The following ATOSA variants were observed in gnomAD, a reference collection of about 807,000 sequenced individuals.
ATOSA encodes atos homolog protein A.
the ATOSA span, among the ~76,000 whole-genome samples, chr15:52,673,572 T>G: frequency 6.6e-6 from 1 of 152,368 alleles, no homozygotes; most frequent in East Asian, 1.9e-4. Context: ...AGACAGTGCC[T>G]GGCACATAGT....
chr15:52,640,258 T>C, the ATOSA span, among the ~76,000 whole-genome samples: 2 of 152,100 alleles, frequency 1.3e-5, no homozygotes, highest in Non-Finnish European at 2.9e-5. Flanking sequence ...TATTACTCTT[T>C]TATCTTTTAC....
the ATOSA span, among the ~76,000 whole-genome samples, chr15:52,604,410 A>G: frequency 1.3e-5 from 2 of 152,258 alleles, no homozygotes; most frequent in Non-Finnish European, 2.9e-5. Context: ...GAGATACTGT[A>G]TTCTTTTAGT....
At chr15:52,647,809 T>C in the ATOSA span, among the ~76,000 whole-genome samples, 2 of 152,174 alleles carry the variant, frequency 1.3e-5, no homozygotes, top group Non-Finnish European at 2.9e-5. Context: ...ATCAAAACAC[T>C]ACAAACAGAA....
the ATOSA span, among the ~76,000 whole-genome samples, chr15:52,633,410 A>C: frequency 1.3e-5 from 2 of 152,202 alleles, no homozygotes; most frequent in African/African-American, 4.8e-5. Context: ...CCAGGTGGGG[A>C]AATAAACAGG....
chr15:52,708,544 T>C, the ATOSA span, among the ~76,000 whole-genome samples: 1 of 152,200 alleles, frequency 6.6e-6, no homozygotes, highest in African/African-American at 2.4e-5. Flanking sequence ...CTCTATTGCC[T>C]TGTTTTTCAA....
At chr15:52,618,698 T>C in the ATOSA span, among the ~76,000 whole-genome samples, 4 of 152,212 alleles carry the variant, frequency 2.6e-5, no homozygotes, top group Non-Finnish European at 4.4e-5. Flanking sequence ...TCTTCTTCTT[T>C]TTTAGAGACA....
chr15:52,601,232 AAC>A, the ATOSA span: 1 of 949,136 alleles, frequency 1.1e-6, no homozygotes, highest in South Asian at 1.6e-5. Context: ...GAATTGATAA[AAC>A]ACTTTTTAAA....
the ATOSA span, chr15:52,609,153 C>G: frequency 6.2e-7 from 1 of 1,613,400 alleles, no homozygotes; most frequent in Non-Finnish European, 8.5e-7. Context: ...TAGGATTGTT[C>G]TGACACTGAT....
the ATOSA span, among the ~76,000 whole-genome samples, chr15:52,636,526 T>G: frequency 6.6e-6 from 1 of 152,200 alleles, no homozygotes; most frequent in African/African-American, 2.4e-5. Flanking sequence ...TATATTATCT[T>G]AAAAGATGAA....
chr15:52,594,814 G>A, the ATOSA span, among the ~76,000 whole-genome samples: 1 of 152,120 alleles, frequency 6.6e-6, no homozygotes, highest in African/African-American at 2.4e-5. Flanking sequence ...CATCTGTAGT[G>A]TATCCTCTGT....
chr15:52,642,840 C>G, the ATOSA span, among the ~76,000 whole-genome samples: 2 of 152,182 alleles, frequency 1.3e-5, no homozygotes, highest in African/African-American at 4.8e-5. Flanking sequence ...AAGTCTCACT[C>G]TGTCACCCAG....
the ATOSA span, among the ~76,000 whole-genome samples, chr15:52,596,526 A>G: frequency 6.6e-6 from 1 of 152,224 alleles, no homozygotes; most frequent in African/African-American, 2.4e-5. Flanking sequence ...GAGCTAATAC[A>G]AACTTTCAGA....
At chr15:52,610,792 T>A in the ATOSA span, among the ~76,000 whole-genome samples, 1 of 152,250 alleles carries the variant, frequency 6.6e-6, no homozygotes, top group Non-Finnish European at 1.5e-5. Context: ...GCAGCCTATA[T>A]GTTTACATTA....
At chr15:52,675,614 A>C in the ATOSA span, among the ~76,000 whole-genome samples, 1 of 152,242 alleles carries the variant, frequency 6.6e-6, no homozygotes, top group Non-Finnish European at 1.5e-5. Context: ...ATCTTATAGA[A>C]AACTTAGTGT....
At chr15:52,638,810 G>C in the ATOSA span, among the ~76,000 whole-genome samples, 1 of 151,474 alleles carries the variant, frequency 6.6e-6, no homozygotes, top group Non-Finnish European at 1.5e-5. Context: ...GTTTTGCTGA[G>C]AACATAAAAC....
the ATOSA span, among the ~76,000 whole-genome samples, chr15:52,645,336 G>A: frequency 1.3e-5 from 2 of 152,190 alleles, no homozygotes; most frequent in East Asian, 3.8e-4. Context: ...CTACTTGGGA[G>A]GCTGAGGCGG....
At chr15:52,662,501 T>C in the ATOSA span, among the ~76,000 whole-genome samples, 1 of 152,184 alleles carries the variant, frequency 6.6e-6, no homozygotes, top group Non-Finnish European at 1.5e-5. Context: ...CCGGGCACGG[T>C]GGCTCAAGCC....
the ATOSA span, chr15:52,585,079 AAAATT>A: frequency 1.6e-6 from 1 of 619,544 alleles, no homozygotes; most frequent in Non-Finnish European, 2.6e-6. Flanking sequence ...TTCAAGGACT[AAAATT>A]AACACAATTT....
chr15:52,674,865 T>G, the ATOSA span, among the ~76,000 whole-genome samples: 1 of 151,068 alleles, frequency 6.6e-6, no homozygotes, highest in Non-Finnish European at 1.5e-5. Context: ...TATATAAGCT[T>G]ATATAACCAA....
Sources: allele counts gnomAD v4.1 joint callset (sites outside exome capture counted in the v4.1 genomes callset), GRCh38; gene constraint gnomAD v4.1.1; transcripts MANE v1.5; gene names NCBI Gene and HGNC (gene_info 2026-07-23, HGNC 2026-07-21).